The following ENOX1 variants were observed in gnomAD, a reference collection of about 807,000 sequenced individuals.
ENOX1 encodes the protein ecto-NOX disulfide-thiol exchanger 1.
ENOX1 carries 42 observed loss-of-function variants against 82.5 expected under a neutral mutation model. That is an observed-to-expected ratio of 0.51 (90% CI 0.40 to 0.66). ENOX1 has a LOEUF of 0.66. Among genes scored for constraint, ENOX1 ranks in the 30% least tolerant of loss-of-function variants. The pLI, the probability that ENOX1 is intolerant of heterozygous loss-of-function variation, is 0.00. For missense variants in ENOX1, 608 were observed against 811.6 expected (o/e 0.75, Z 3.05); for synonymous variants, 271 against 282.2 (o/e 0.96, Z 0.40).
chr13:43,638,656 G>A (rs117918303), intron 2 of ENOX1, among the ~76,000 whole-genome samples: 9 of 152,182 alleles, frequency 5.9e-5, no homozygotes, highest in South Asian at 2.1e-4. Flanking sequence ...TTATGGTTAC[G>A]TATTTTATTC....
chr13:43,714,929 A>T (rs2088007503), intron 1 of ENOX1, among the ~76,000 whole-genome samples: 1 of 152,052 alleles, frequency 6.6e-6, no homozygotes, highest in Non-Finnish European at 1.5e-5. Flanking sequence ...TAATATTGTT[A>T]TATGTTAATT....
At chr13:43,430,856 T>C (rs1333076718) in intron 3 of ENOX1, among the ~76,000 whole-genome samples, 2 of 152,240 alleles carry the variant, frequency 1.3e-5, no homozygotes, top group Non-Finnish European at 2.9e-5. Context: ...AAATACCACA[T>C]GGATGCCAAG....
intron 2 of ENOX1, among the ~76,000 whole-genome samples, chr13:43,644,324 G>A (rs1224110331): frequency 6.6e-6 from 1 of 152,084 alleles, no homozygotes; most frequent in Non-Finnish European, 1.5e-5. Context: ...GGAATTTAAG[G>A]CAACCCTTGC....
chr13:43,330,856 T>G (rs1356949403), intron 9 of ENOX1, among the ~76,000 whole-genome samples: 1 of 152,186 alleles, frequency 6.6e-6, no homozygotes, highest in East Asian at 1.9e-4. Flanking sequence ...CATACACACA[T>G]TACACACATA....
intron 11 of ENOX1, among the ~76,000 whole-genome samples, chr13:43,310,085 C>A (rs1415453056): frequency 4.2e-5 from 6 of 142,954 alleles, no homozygotes; most frequent in Non-Finnish European, 9.1e-5. Flanking sequence ...CACCTGTAGT[C>A]CTAGCTGCTT....
chr13:43,340,340 T>C (rs1173748753), intron 9 of ENOX1, among the ~76,000 whole-genome samples: 1 of 152,240 alleles, frequency 6.6e-6, no homozygotes, highest in East Asian at 1.9e-4. Context: ...CTGAAAGATC[T>C]TGGCTGTCAA....
chr13:43,531,779 A>G (rs12561309), intron 2 of ENOX1, among the ~76,000 whole-genome samples: 24,174 of 149,908 alleles, frequency 0.16, 2,057 homozygotes, highest in East Asian at 0.31. Context: ...TTGTAGGGAC[A>G]TGGATGAAGC....
intron 2 of ENOX1, among the ~76,000 whole-genome samples, chr13:43,628,337 G>A (rs564427354): frequency 6.6e-6 from 1 of 152,078 alleles, no homozygotes; most frequent in Non-Finnish European, 1.5e-5. Flanking sequence ...AATTTCTATT[G>A]TTATGTCTTC....
chr13:43,231,500 G>A (rs2153456310), intron 15 of ENOX1, among the ~76,000 whole-genome samples: 1 of 152,296 alleles, frequency 6.6e-6, no homozygotes, highest in South Asian at 2.1e-4. Context: ...TTGTATGGTT[G>A]GTTAGTTAGT....
intron 8 of ENOX1, among the ~76,000 whole-genome samples, chr13:43,346,669 C>G (rs2049399811): frequency 6.6e-6 from 1 of 152,150 alleles, no homozygotes; most frequent in African/African-American, 2.4e-5. Flanking sequence ...AAGATAAAAT[C>G]TATCACACAA....
chr13:43,433,320 G>A (rs2055798388), intron 3 of ENOX1, among the ~76,000 whole-genome samples: 1 of 152,068 alleles, frequency 6.6e-6, no homozygotes, highest in Non-Finnish European at 1.5e-5. Context: ...CCTTGAGCGA[G>A]AACTCACTCG....
chr13:43,521,459 G>A (rs986330714), intron 2 of ENOX1, among the ~76,000 whole-genome samples: 2 of 152,018 alleles, frequency 1.3e-5, no homozygotes, highest in African/African-American at 4.8e-5. Context: ...GGGTATTCCC[G>A]CTCTCATCAA....
At chr13:43,415,231 T>TG (rs1555265522) in intron 3 of ENOX1, among the ~76,000 whole-genome samples, 1 of 98,764 alleles carries the variant, frequency 1.0e-5, no homozygotes, top group Non-Finnish European at 2.1e-5. Flanking sequence ...CCCAATCCAA[T>TG]GTTTTTTTTT....
chr13:43,247,846 TATATATATATATATATA>T (rs2043170514), intron 14 of ENOX1, among the ~76,000 whole-genome samples: 2 of 4,704 alleles, frequency 4.3e-4, no homozygotes, highest in Non-Finnish European at 1.3e-3. Context: ...TATATATATA[TATATATATATATATATA>T]TATATATATA....
At chr13:43,457,136 T>C (rs2057271396) in intron 3 of ENOX1, among the ~76,000 whole-genome samples, 1 of 152,220 alleles carries the variant, frequency 6.6e-6, no homozygotes, top group Non-Finnish European at 1.5e-5. Context: ...CAGGAAGATA[T>C]GAAAGCATGT....
intron 5 of ENOX1, among the ~76,000 whole-genome samples, chr13:43,385,613 A>T (rs2052359673): frequency 6.6e-6 from 1 of 152,218 alleles, no homozygotes; most frequent in Non-Finnish European, 1.5e-5. Context: ...TGTAGCTAGC[A>T]TTCAAAAGGT....
At chr13:43,774,992 TGCCTGCC>T (rs1281438338) in intron 1 of ENOX1, among the ~76,000 whole-genome samples, 17 of 152,110 alleles carry the variant, frequency 1.1e-4, no homozygotes, top group African/African-American at 4.1e-4. Flanking sequence ...GGACTACAGG[TGCCTGCC>T]ATCATGCCCA....
intron 12 of ENOX1, among the ~76,000 whole-genome samples, chr13:43,294,752 C>T (rs901207576): frequency 2.0e-5 from 3 of 152,180 alleles, no homozygotes; most frequent in Admixed American, 2.0e-4. Flanking sequence ...ACTAGACAAA[C>T]AAACCACAGC....
intron 3 of ENOX1, among the ~76,000 whole-genome samples, chr13:43,478,599 G>C (rs1008061727): frequency 6.6e-6 from 1 of 152,044 alleles, no homozygotes; most frequent in Admixed American, 6.6e-5. Flanking sequence ...CCTTTTCATA[G>C]ATGATACATC....
Sources: allele counts gnomAD v4.1 joint callset (sites outside exome capture counted in the v4.1 genomes callset), GRCh38; gene constraint gnomAD v4.1.1; transcripts MANE v1.5; gene names NCBI Gene and HGNC (gene_info 2026-07-23, HGNC 2026-07-21).